The following PDGFRB variants were observed in gnomAD, a reference collection of about 807,000 sequenced individuals.
PDGFRB encodes platelet-derived growth factor receptor beta.
In PDGFRB, 42 loss-of-function variants were observed where a neutral mutation model predicts 120.2. That is an observed-to-expected ratio of 0.35 (90% CI 0.27 to 0.45). PDGFRB has a LOEUF of 0.45. PDGFRB is among the 20% of genes least tolerant of loss of function. PDGFRB has a pLI of 1.00. For synonymous variants in PDGFRB, 586 were observed against 606.8 expected (o/e 0.97, Z 0.50); for missense variants, 1,149 against 1,476.3 (o/e 0.78, Z 3.63).
At position 150,116,225 on chromosome 5, in the gene PDGFRB, T is replaced by C. The variant is rs1284251200; in HGVS notation, c.3138-279A>G. On this transcript the variant is annotated intron_variant, in intron 22 of 22. Coordinates refer to ENST00000261799, the MANE Select transcript of PDGFRB (RefSeq NM_002609.4). ...AAAGCTCGTTTCTCACCCACCAGCA[T>C]CTCCCTCCTCTGCACTCCTAAAGGT... is the stretch of plus-strand genomic sequence containing the variant. 2.0e-5 allele frequency among the ~76,000 whole-genome samples: 3 copies of C among 152,282 alleles called. No individual in the cohort carries two copies. In the East Asian group the frequency reaches 5.8e-4, roughly 29 times the overall value.
chr5:150,144,521 G>T (rs1760866719), intron 1 of PDGFRB, among the ~76,000 whole-genome samples: 1 of 152,238 alleles, frequency 6.6e-6, no homozygotes, highest in Non-Finnish European at 1.5e-5. Context: ...TGAAACATCT[G>T]TCTGGAATGG....
At chr5:150,124,893 G>GCCCCCCCCCCCCCCAC in intron 12 of PDGFRB, 62 bp from the exon 13 acceptor site, 1 of 752,560 alleles carries the variant, frequency 1.3e-6, no homozygotes, top group Non-Finnish European at 2.1e-6. Flanking sequence ...TCCCCCAGCT[G>GCCCCCCCCCCCCCCAC]CCCCCCTCCC....
chr5:150,150,206 G>A (rs1259826991), intron 1 of PDGFRB, among the ~76,000 whole-genome samples: 2 of 152,184 alleles, frequency 1.3e-5, no homozygotes, highest in African/African-American at 4.8e-5. Flanking sequence ...AGATGGTAAA[G>A]ACCCAGCACC....
chr5:150,127,027 G>A (rs765961806), intron 10 of PDGFRB, among the ~76,000 whole-genome samples: 1 of 152,226 alleles, frequency 6.6e-6, no homozygotes, highest in East Asian at 1.9e-4. Context: ...GGCTGCCACA[G>A]CTCGGTCAGA....
intron 1 of PDGFRB, among the ~76,000 whole-genome samples, chr5:150,143,569 G>A (rs142138410): frequency 2.5e-4 from 38 of 152,292 alleles, no homozygotes; most frequent in Admixed American, 5.9e-4. Flanking sequence ...AAGTCCTCCC[G>A]CCAGCAGCTA....
At chr5:150,117,542 GCGCACACACACACACACACACA>G in intron 22 of PDGFRB, 54 bp downstream of exon 22, 1 of 461,986 alleles carries the variant, frequency 2.2e-6, no homozygotes, top group Admixed American at 4.3e-5. Context: ...GCGCGCGCGC[GCGCACACACACACACACACACA>G]CACACACACA....
At chr5:150,144,084 A>T (rs1760852529) in intron 1 of PDGFRB, among the ~76,000 whole-genome samples, 2 of 151,944 alleles carry the variant, frequency 1.3e-5, no homozygotes, top group African/African-American at 4.8e-5. Context: ...TCCAAACTGG[A>T]TGGAAGAATA....
chr5:150,128,913 G>C (rs770501220), intron 10 of PDGFRB, among the ~76,000 whole-genome samples: 11 of 152,122 alleles, frequency 7.2e-5, no homozygotes, highest in Non-Finnish European at 1.6e-4. Flanking sequence ...CATATTTATC[G>C]AATGAAGAAG....
chr5:150,117,599 C>T lies in PDGFRB; in HGVS notation c.3137+19G>A, dbSNP rs764442261. Reference sequence around the variant, plus strand: ...ACACACTGTGCACAATTTCCTTGGCCCCAGGCCAGGGTGGTTACCTGGCTA... The same window carrying T: ...ACACACTGTGCACAATTTCCTTGGCTCCAGGCCAGGGTGGTTACCTGGCTA... On this transcript the variant is annotated intron_variant, in intron 22 of 22. Transcript: ENST00000261799. 9 of 1,416,732 alleles carry T rather than the reference C, an allele frequency of 6.4e-6. No homozygotes were observed. In the South Asian group the frequency reaches 9.3e-5, roughly 15 times the overall value. 87.8% of individuals were successfully genotyped at this position (1,416,732 alleles called of 1,614,324 possible). A position where few individuals can be genotyped will look rare whatever the true frequency, so the allele number is the denominator to read the frequency against.
At chr5:150,154,782 C>T (rs1761185545) in intron 1 of PDGFRB, among the ~76,000 whole-genome samples, 1 of 152,320 alleles carries the variant, frequency 6.6e-6, no homozygotes, top group South Asian at 2.1e-4. Context: ...GCCCCCAGAC[C>T]CAGCAGCATG....
intron 21 of PDGFRB, 114 bp from the exon 22 acceptor site, chr5:150,117,964 A>G: frequency 1.5e-6 from 1 of 648,028 alleles, no homozygotes; most frequent in Non-Finnish European, 2.8e-6. Flanking sequence ...CCCGCTGCTC[A>G]GAGGGGAAAG....
In PDGFRB at chr5:150,121,823, A is replaced by G; in HGVS notation, c.2344+57T>C. 7.6e-7 allele frequency: 1 copy of G among 1,323,042 alleles called. No homozygotes were observed. The highest frequency in any genetic ancestry group is 1.2e-5 in the South Asian group (1 of 83,332). The allele number at this position is 1,323,042 out of a possible 1,614,324, so 82.0% of individuals were successfully genotyped here. On this transcript the variant is annotated intron_variant, in intron 16 of 22. Coordinates refer to ENST00000261799, the MANE Select transcript of PDGFRB (RefSeq NM_002609.4). The surrounding 1 kb of genome is among the most constrained non-coding windows in gnomAD (Gnocchi z 4.1). ...CTCAGGGTTTTTGGCAAGGCTGGGC[A>G]TGTGAAGAGCATCAGCCTGTTTGGA... is the stretch of plus-strand genomic sequence containing the variant.
At chr5:150,153,857 G>A (rs1015370931) in intron 1 of PDGFRB, 3 of 152,180 alleles carry the variant, frequency 2.0e-5, no homozygotes, top group Non-Finnish European at 4.4e-5. Context: ...CTGGAGGCCT[G>A]GGTTCTAGTC....
Position 150,134,158 on chromosome 5 carries a change from A to C in PDGFRB, c.632-150T>G, listed in dbSNP as rs1760557922. The C allele has an allele frequency of 4.2e-6, 3 of 721,126 alleles. No homozygotes were observed. In the African/African-American group the frequency reaches 5.2e-5, roughly 12 times the overall value. 44.7% of individuals were successfully genotyped at this position (721,126 alleles called of 1,614,324 possible). A position where few individuals can be genotyped will look rare whatever the true frequency, so the allele number is the denominator to read the frequency against. Reference sequence around the variant, plus strand: ...CAAATATTTACTGAATACCTACTACATGCCAAGTACTATTCTGGACACTGG... The same window carrying C: ...CAAATATTTACTGAATACCTACTACCTGCCAAGTACTATTCTGGACACTGG... On this transcript the variant is annotated intron_variant, in intron 4 of 22. Coordinates refer to ENST00000261799, the MANE Select transcript of PDGFRB (RefSeq NM_002609.4).
intron 21 of PDGFRB, among the ~76,000 whole-genome samples, chr5:150,118,412 G>A (rs1229549322): frequency 1.3e-5 from 2 of 152,188 alleles, no homozygotes; most frequent in African/African-American, 4.8e-5. Flanking sequence ...TCATGGTCAT[G>A]TAACCTGGGG....
At chr5:150,124,922 G>A in intron 12 of PDGFRB, 91 bp from the exon 13 acceptor site, 1 of 493,138 alleles carries the variant, frequency 2.0e-6, no homozygotes, top group Non-Finnish European at 3.5e-6. Context: ...CCTACCCCCG[G>A]CCGCTATCAC....
chr5:150,134,475 G>A (rs562856826), intron 4 of PDGFRB, among the ~76,000 whole-genome samples: 2 of 152,322 alleles, frequency 1.3e-5, no homozygotes, highest in South Asian at 2.1e-4. Context: ...CTGGGATTTC[G>A]ACCCAGCTGG....
chr5:150,137,761 C>G (rs986053150), intron 1 of PDGFRB, among the ~76,000 whole-genome samples: 7 of 152,202 alleles, frequency 4.6e-5, no homozygotes, highest in African/African-American at 1.7e-4. Context: ...CCCCCACCCC[C>G]ACCCCCAGGG....
intron 1 of PDGFRB, among the ~76,000 whole-genome samples, chr5:150,139,978 C>CAA (rs76112327): frequency 9.3e-5 from 10 of 107,886 alleles, no homozygotes; most frequent in East Asian, 2.5e-4. Context: ...GACTCTGTCT[C>CAA]AAAAAAAAAA....
Sources: allele counts gnomAD v4.1 joint callset (sites outside exome capture counted in the v4.1 genomes callset), GRCh38; gene constraint gnomAD v4.1.1; non-coding constraint Gnocchi (gnomAD v3.1); transcripts MANE v1.5; gene names NCBI Gene and HGNC (gene_info 2026-07-23, HGNC 2026-07-21).